ENPP1: variants seen among roughly 807,000 people sequenced by gnomAD.
The protein encoded by ENPP1 is ectonucleotide pyrophosphatase/phosphodiesterase family member 1.
Under a neutral mutation model 122.8 loss-of-function variants are expected in ENPP1, and 73 were observed. The ratio of observed to expected loss-of-function variants is 0.59; its 90% CI spans 0.49 to 0.72. The LOEUF (loss-of-function observed/expected upper bound fraction) is 0.72. Among genes scored for constraint, ENPP1 ranks in the 30% least tolerant of loss-of-function variants. The pLI, the probability that ENPP1 is intolerant of heterozygous loss-of-function variation, is 0.00. For missense variants in ENPP1, 978 were observed against 1,128.1 expected (o/e 0.87, Z 1.91); for synonymous variants, 367 against 391.6 (o/e 0.94, Z 0.74).
At chr6:131,822,719 T>C (rs1781497547) in intron 1 of ENPP1, among the ~76,000 whole-genome samples, 1 of 152,080 alleles carries the variant, frequency 6.6e-6, no homozygotes, top group Admixed American at 6.5e-5. Context: ...TTTGAGACTT[T>C]TATTTTAGTA....
Position 131,882,474 on chromosome 6 carries a change from C to T in ENPP1, c.2230C>T (p.Gln744Ter), listed in dbSNP as rs2114727013. Residue 744 changes from glutamine to a stop codon, truncating the protein, a stop_gained and splice_region_variant, in exon 21 of 25, where the codon CAA (glutamine) becomes TAA (stop). Coordinates refer to ENST00000647893, the MANE Select transcript of ENPP1 (RefSeq NM_006208.3). LOFTEE classifies it high-confidence loss of function. ...KVSYGFLSPP[Q>*]LNKNSSGIYS... ...GAGTTACGGGTTCCTCTCCCCACCACGTAAGTTTTTTCCTCTCCTGACCTT... is the reference window on the plus strand; with the variant it reads ...GAGTTACGGGTTCCTCTCCCCACCATGTAAGTTTTTTCCTCTCCTGACCTT... 1.2e-5 allele frequency: 19 copies of T among 1,603,388 alleles called. No individual in the cohort carries two copies. Among genetic ancestry groups the T allele is most frequent in the Non-Finnish European group, 1.5e-5 (18 of 1,173,536 alleles).
chr6:131,870,808 G>A (rs115949047), intron 13 of ENPP1, among the ~76,000 whole-genome samples: 1,888 of 152,268 alleles, frequency 0.012, 44 homozygotes, highest in African/African-American at 0.043. Context: ...GGACACGATG[G>A]TGGCTCACGC....
At chr6:131,821,762 G>A (rs1013461283) in intron 1 of ENPP1, among the ~76,000 whole-genome samples, 5 of 152,052 alleles carry the variant, frequency 3.3e-5, no homozygotes, top group Admixed American at 6.5e-5. Flanking sequence ...TCCATCGCAC[G>A]ATCAATGGAA....
chr6:131,872,285 A>T (rs574929120), intron 14 of ENPP1, among the ~76,000 whole-genome samples, 184 bp downstream of exon 14: 2 of 152,286 alleles, frequency 1.3e-5, no homozygotes, highest in East Asian at 1.9e-4. Flanking sequence ...CAGGTTTGAA[A>T]AATTTTTAAG....
chr6:131,877,224 G>C (rs757948329), intron 18 of ENPP1, 63 bp downstream of exon 18: 1 of 1,484,552 alleles, frequency 6.7e-7, no homozygotes, highest in Non-Finnish European at 9.3e-7. Context: ...TGCATAGCAT[G>C]TGCTGTAAAA....
intron 1 of ENPP1, among the ~76,000 whole-genome samples, chr6:131,839,805 AAC>A (rs1453601381): frequency 1.3e-5 from 2 of 152,196 alleles, no homozygotes; most frequent in South Asian, 2.1e-4. Flanking sequence ...ATGGCTGTAT[AAC>A]AGTTATATAC....
intron 12 of ENPP1, 144 bp downstream of exon 12, chr6:131,868,270 C>T (rs1049223650): frequency 3.2e-6 from 2 of 630,706 alleles, no homozygotes; most frequent in East Asian, 2.9e-5. Flanking sequence ...GAAAAAAATA[C>T]ATTAAATATA....
chr6:131,820,553 C>T (rs1476522337), intron 1 of ENPP1: 1 of 152,248 alleles, frequency 6.6e-6, no homozygotes, highest in African/African-American at 2.4e-5. Context: ...CCTGCTAGAA[C>T]CTCCAAACAA....
chr6:131,815,244 A>T (rs1781399690), intron 1 of ENPP1, among the ~76,000 whole-genome samples: 1 of 152,186 alleles, frequency 6.6e-6, no homozygotes, highest in South Asian at 2.1e-4. Context: ...TCAGGTACAG[A>T]CACTCCAAGT....
chr6:131,869,303 T>G, intron 12 of ENPP1, 55 bp from the exon 13 acceptor site: 1 of 1,567,980 alleles, frequency 6.4e-7, no homozygotes, highest in Non-Finnish European at 8.8e-7. Context: ...CTGCTCTGCA[T>G]ATTAAATTTT....
intron 13 of ENPP1, 50 bp downstream of exon 13, chr6:131,869,539 T>G (rs1328148149): frequency 1.3e-6 from 2 of 1,587,670 alleles, no homozygotes; most frequent in Non-Finnish European, 1.7e-6. Flanking sequence ...TAAGAATACC[T>G]TCCTTTAGGC....
Position 131,872,978 on chromosome 6 carries a change from G to GT in ENPP1, c.1496dup (p.Leu499PhefsTer5). The GT allele has an allele frequency of 6.2e-7, 1 of 1,613,734 alleles. No homozygotes were observed. The highest frequency in any genetic ancestry group is 8.5e-7 in the Non-Finnish European group (1 of 1,179,778). The stretch of plus-strand genomic sequence containing the variant: ...TACCTGAAACATTTCTTACCTAAGC[G>GT]TTTGCACTTTGCTAAGAGTGATAGA... On this transcript the variant is annotated frameshift_variant, in exon 15 of 25. Transcript: ENST00000647893. LOFTEE classifies it high-confidence loss of function.
chr6:131,845,043 GTTTTTTTTTTT>G (rs142380855), intron 1 of ENPP1, among the ~76,000 whole-genome samples: 21 of 84,986 alleles, frequency 2.5e-4, no homozygotes, highest in East Asian at 1.2e-3. Context: ...ATTCTTCATG[GTTTTTTTTTTT>G]TTTTTTTTTT....
intron 22 of ENPP1, 77 bp from the exon 23 acceptor site, chr6:131,884,854 C>A: frequency 6.8e-7 from 1 of 1,461,978 alleles, no homozygotes; most frequent in Non-Finnish European, 9.6e-7. Flanking sequence ...AATTTTGAAT[C>A]ATGGTGTTAA....
At chr6:131,867,066 T>TA (rs1355121060) in intron 11 of ENPP1, among the ~76,000 whole-genome samples, 1 of 152,226 alleles carries the variant, frequency 6.6e-6, no homozygotes, top group Non-Finnish European at 1.5e-5. Flanking sequence ...TTGAGCCCAT[T>TA]ACTTTTCAAA....
rs148627404 is a variant in ENPP1 at position 131,842,236 on chromosome 6, G to A, written c.241-5540G>A. On this transcript the variant is annotated intron_variant, in intron 1 of 24. Coordinates refer to ENST00000647893, the MANE Select transcript of ENPP1 (RefSeq NM_006208.3). ...AAACTCTTAGAAAAGTGCCCGGCAC[G>A]TAGGAATTACTAGAGAAGTGACAGC... 5.3e-5 allele frequency among the ~76,000 whole-genome samples: 8 copies of A among 152,306 alleles called. No individual in the cohort carries two copies. The East Asian group carries it at 7.7e-4, about 15-fold the overall frequency.
In ENPP1 at chr6:131,864,910, G is replaced by T. The variant is rs750866854; in HGVS notation, c.1136G>T (p.Gly379Val). The T allele has an allele frequency of 6.2e-7, 1 of 1,605,418 alleles. No homozygotes were observed. Among genetic ancestry groups the T allele is most frequent in the Non-Finnish European group, 8.5e-7 (1 of 1,172,338 alleles). The change falls in exon 11 of 25, where the codon GGT (glycine) becomes GTT (valine). Residue 379 changes from glycine (G) to valine (V), a missense_variant. Gly to Val is a moderately radical substitution (Grantham distance 109). Coordinates refer to ENST00000647893, the MANE Select transcript of ENPP1 (RefSeq NM_006208.3). ...TLYLEEPDSS[G>V]HSYGPVSSEV... ...TATTTAGAAGAACCAGATTCTTCAGGTCATTCATATGGACCAGTCAGCAGT... is the reference window on the plus strand; with the variant it reads ...TATTTAGAAGAACCAGATTCTTCAGTTCATTCATATGGACCAGTCAGCAGT...
Position 131,892,534 on chromosome 6 carries a change from G to A in ENPP1, c.*2023G>A, listed in dbSNP as rs766167619. On this transcript the variant is annotated 3_prime_UTR_variant, in exon 25 of 25. Coordinates refer to ENST00000647893, the MANE Select transcript of ENPP1 (RefSeq NM_006208.3). ...CTATGGGACAGAGTGACCAGGAAGA[G>A]CTTCATTACACCAGGTGGGAATGAA... 1.3e-5 allele frequency: 2 copies of A among 152,212 alleles called. No individual in the cohort carries two copies. Among genetic ancestry groups the A allele is most frequent in the African/African-American group, 4.8e-5 (2 of 41,436 alleles). The allele number at this position is 152,212 out of a possible 1,614,324, so 9.4% of individuals were successfully genotyped here.
intron 1 of ENPP1, among the ~76,000 whole-genome samples, chr6:131,812,577 T>A (rs1781367763): frequency 6.6e-6 from 1 of 152,216 alleles, no homozygotes; most frequent in Non-Finnish European, 1.5e-5. Context: ...ATCACCTTGT[T>A]AATGGAAAAA....
Sources: allele counts gnomAD v4.1 joint callset (sites outside exome capture counted in the v4.1 genomes callset), GRCh38; gene constraint gnomAD v4.1.1; transcripts MANE v1.5; gene names NCBI Gene and HGNC (gene_info 2026-07-23, HGNC 2026-07-21).